SYNE1: variants seen among roughly 807,000 people sequenced by gnomAD.
SYNE1 encodes nesprin-1.
In SYNE1, 616 loss-of-function variants were observed where a neutral mutation model predicts 1,111.0. The observed-to-expected ratio is 0.55, with a 90% CI of 0.52 to 0.59. The LOEUF is 0.59. Ranked by LOEUF, SYNE1 falls within the 20% of genes least tolerant of loss-of-function variation. SYNE1 has a pLI of 0.00. For missense variants in SYNE1, 10,006 were observed against 10,417.0 expected (o/e 0.96, Z 1.72); for synonymous variants, 3,855 against 3,825.8 (o/e 1.01, Z -0.28).
chr6:152,310,157 A>G, intron 89 of SYNE1, 140 bp from the exon 90 acceptor site: 6 of 1,242,336 alleles, frequency 4.8e-6, no homozygotes, highest in Non-Finnish European at 6.7e-6. Flanking sequence ...TGTTGAGTTT[A>G]GGGGCTGGAC....
chr6:152,428,202 C>A lies in SYNE1; in HGVS notation c.4976+3G>T, dbSNP rs2098389416. ...CAGCAACTCAAGGAAAAGTGCTGCT[C>A]ACCTCTGCCAGTGGGCCAGCAGATT... On this transcript the variant is annotated splice_donor_region_variant and intron_variant, in intron 37 of 145. Transcript: ENST00000367255. 1 of 1,612,950 alleles carries A rather than the reference C, an allele frequency of 6.2e-7. No individual in the cohort carries two copies. Among genetic ancestry groups the A allele is most frequent in the African/African-American group, 1.3e-5 (1 of 74,920 alleles).
intron 97 of SYNE1, among the ~76,000 whole-genome samples, chr6:152,278,671 T>C (rs1219160291): frequency 1.3e-5 from 2 of 152,026 alleles, no homozygotes; most frequent in African/African-American, 4.8e-5. Flanking sequence ...CCGTGTTAGC[T>C]AGGATGGTCT....
At chr6:152,372,510 AT>A (rs749929453) in intron 59 of SYNE1, among the ~76,000 whole-genome samples, 200 of 152,356 alleles carry the variant, frequency 1.3e-3, no homozygotes, top group Non-Finnish European at 1.9e-3. Context: ...CGGAAAAAAA[AT>A]AATTATATTG....
chr6:152,602,196 C>A (rs1296716994), intron 3 of SYNE1, among the ~76,000 whole-genome samples: 1 of 152,152 alleles, frequency 6.6e-6, no homozygotes, highest in African/African-American at 2.4e-5. Context: ...ACCTCCAGGA[C>A]TTCAGAATGT....
intron 20 of SYNE1, 44 bp from the exon 21 acceptor site, chr6:152,461,784 T>C (rs1161212207): frequency 6.2e-7 from 1 of 1,613,154 alleles, no homozygotes; most frequent in Admixed American, 1.7e-5. Context: ...ATGACACATT[T>C]CCTCTTAACT....
intron 45 of SYNE1, among the ~76,000 whole-genome samples, chr6:152,405,699 G>A (rs182553146): frequency 4.7e-4 from 72 of 152,252 alleles, no homozygotes; most frequent in Admixed American, 1.1e-3. Flanking sequence ...GGTCACTTTG[G>A]AGCTGTAATG....
rs372633466 is a variant in SYNE1, at chr6:152,381,236, G to A, written c.8779C>T (p.Arg2927Cys). Reference protein sequence around the residue: ...ELMHTEMQALRADWKQWEDSV... With the variant: ...ELMHTEMQALCADWKQWEDSV... ...TCTTCCCACTGCTTCCAGTCGGCAC[G>A]CAGGGCCTGCATCTCCGTGTGCATG... Residue 2927 changes from arginine (R) to cysteine (C), a missense_variant, in exon 56 of 146, where the codon CGT becomes TGT. Arg to Cys is a radical substitution (Grantham distance 180). Transcript: ENST00000367255. 13 of 1,614,082 alleles carry A rather than the reference G, an allele frequency of 8.1e-6. No homozygotes were observed. Among genetic ancestry groups the A allele is most frequent in the South Asian group, 3.3e-5 (3 of 91,088 alleles).
chr6:152,156,695 A>T (rs1457620106), intron 131 of SYNE1, among the ~76,000 whole-genome samples: 1 of 152,218 alleles, frequency 6.6e-6, no homozygotes, highest in Non-Finnish European at 1.5e-5. Flanking sequence ...TTCAATACAG[A>T]TGCAAATTGT....
chr6:152,298,821 G>T (rs1484079803), intron 93 of SYNE1, among the ~76,000 whole-genome samples: 1 of 152,152 alleles, frequency 6.6e-6, no homozygotes, highest in Non-Finnish European at 1.5e-5. Flanking sequence ...TGATGGGGTT[G>T]ATTTGTTTGA....
At chr6:152,391,661 G>A (rs2097641972) in intron 51 of SYNE1, 93 bp from the exon 52 acceptor site, 4 of 1,413,076 alleles carry the variant, frequency 2.8e-6, no homozygotes, top group Admixed American at 4.8e-5. Flanking sequence ...TATTGGAGCA[G>A]TAACCAGACA....
At chr6:152,276,928 A>G (rs1256213133) in intron 98 of SYNE1, among the ~76,000 whole-genome samples, 3 of 125,066 alleles carry the variant, frequency 2.4e-5, no homozygotes, top group South Asian at 2.5e-4. Flanking sequence ...TCTGTCTCCC[A>G]GGCTGGAGTG....
At chr6:152,450,185 T>C (rs1294445786) in intron 27 of SYNE1, among the ~76,000 whole-genome samples, 1 of 152,154 alleles carries the variant, frequency 6.6e-6, no homozygotes, top group African/African-American at 2.4e-5. Flanking sequence ...AAGGGGCTTT[T>C]CCCCCTTTTG....
intron 90 of SYNE1, among the ~76,000 whole-genome samples, chr6:152,309,436 A>G (rs555650124): frequency 6.6e-6 from 1 of 152,342 alleles, no homozygotes; most frequent in East Asian, 1.9e-4. Flanking sequence ...AGGCACTCAA[A>G]AGAAAATGGA....
intron 127 of SYNE1, among the ~76,000 whole-genome samples, chr6:152,198,525 T>G (rs1173219342): frequency 6.6e-6 from 1 of 152,232 alleles, no homozygotes; most frequent in African/African-American, 2.4e-5. Flanking sequence ...GCCTAGCTTT[T>G]GGCCTGTTCC....
intron 131 of SYNE1, among the ~76,000 whole-genome samples, chr6:152,159,152 T>C (rs1318601269): frequency 3.3e-5 from 5 of 152,154 alleles, no homozygotes; most frequent in Non-Finnish European, 7.3e-5. Context: ...GAATCATTCT[T>C]AAAAATTTTC....
intron 51 of SYNE1, among the ~76,000 whole-genome samples, chr6:152,392,893 G>A (rs1257472607): frequency 6.6e-6 from 1 of 152,008 alleles, no homozygotes; most frequent in Non-Finnish European, 1.5e-5. Context: ...TTTTATATAG[G>A]GCATTTCCTT....
chr6:152,526,157 C>A lies in SYNE1; in HGVS notation c.148G>T (p.Val50Leu), dbSNP rs1023433513. 1 of 1,614,130 alleles carries A rather than the reference C, an allele frequency of 6.2e-7. No homozygotes were observed. The highest frequency in any genetic ancestry group is 1.3e-5 in the African/African-American group (1 of 75,056). ...TTCATGTCTTCAAAAAGATCGTCCA[C>A]CACCATTGGAGGTTTCCGCTGTAAA... ...HLAKRKPPMV[V>L]DDLFEDMKDG... The change falls in exon 5 of 146, where the codon GTG (valine) becomes TTG (leucine). Residue 50 changes from valine (V) to leucine (L), a missense_variant. Coordinates refer to ENST00000367255, the MANE Select transcript of SYNE1 (RefSeq NM_182961.4).
intron 7 of SYNE1, among the ~76,000 whole-genome samples, 154 bp downstream of exon 7, chr6:152,510,856 TC>T (rs957759590): frequency 8.5e-5 from 13 of 152,172 alleles, no homozygotes; most frequent in African/African-American, 3.1e-4. Context: ...GAGGAAATTC[TC>T]CTACCAAAGA....
chr6:152,333,955 T>C, intron 77 of SYNE1, 53 bp downstream of exon 77: 2 of 1,612,532 alleles, frequency 1.2e-6, no homozygotes, highest in Non-Finnish European at 1.7e-6. Flanking sequence ...TTTATAGATA[T>C]TAAGAAATGT....
Sources: gnomAD v4.1 joint callset for allele counts (sites outside exome capture counted in the v4.1 genomes callset) on GRCh38, gnomAD v4.1.1 for gene constraint, MANE v1.5 for transcripts, NCBI Gene and HGNC (gene_info 2026-07-23, HGNC 2026-07-21) for gene names.